RPP30: variants seen among roughly 807,000 people sequenced by gnomAD.
The protein encoded by RPP30 is ribonuclease P/MRP subunit p30.
In RPP30, 36 loss-of-function variants were observed where a neutral mutation model predicts 38.6. The ratio of observed to expected loss-of-function variants is 0.93; its 90% CI spans 0.71 to 1.23. The LOEUF is 1.23. RPP30 is among the 50% of genes most tolerant of loss of function. The pLI, the probability that RPP30 is intolerant of heterozygous loss-of-function variation, is 0.00. For missense variants in RPP30, 321 were observed against 321.7 expected (o/e 1.00, Z 0.02); for synonymous variants, 126 against 112.7 (o/e 1.12, Z -0.75).
intron 5 of RPP30, among the ~76,000 whole-genome samples, chr10:90,883,562 G>A (rs1311194186): frequency 6.6e-6 from 1 of 152,142 alleles, no homozygotes; most frequent in Admixed American, 6.5e-5. Flanking sequence ...AGTGTCAGAG[G>A]GAGCCATGTG....
intron 1 of RPP30, among the ~76,000 whole-genome samples, chr10:90,873,453 T>C (rs974529146): frequency 2.0e-5 from 3 of 152,170 alleles, no homozygotes; most frequent in African/African-American, 7.2e-5. Flanking sequence ...TTGCAAAGAA[T>C]AGGAAAGACA....
At position 90,901,987 on chromosome 10, in the gene RPP30, C is replaced by T. The variant is rs1020375306; in HGVS notation, c.*1308C>T. Reference sequence around the variant, plus strand: ...GCGCTCGCCATGTATTTAGCAGAGACGGGGTTTCACCGTGTTAGCCAGGAT... The same window carrying T: ...GCGCTCGCCATGTATTTAGCAGAGATGGGGTTTCACCGTGTTAGCCAGGAT... On this transcript the variant is annotated 3_prime_UTR_variant, in exon 11 of 11. Coordinates refer to ENST00000371703, the MANE Select transcript of RPP30 (RefSeq NM_006413.5). The T allele has an allele frequency of 4.0e-5, 16 of 396,276 alleles. No homozygotes were observed. Among genetic ancestry groups the T allele is most frequent in the African/African-American group, 1.1e-4 (5 of 45,562 alleles). The allele number at this position is 396,276 out of a possible 1,614,324, so 24.5% of individuals were successfully genotyped here.
At position 90,883,394 on chromosome 10, in the gene RPP30, T is replaced by G. The variant is rs548981719; in HGVS notation, c.343-2418T>G. Among the ~76,000 whole-genome samples, 6 of 152,288 alleles carry G rather than the reference T, an allele frequency of 3.9e-5. No individual in the cohort carries two copies. In the South Asian group the frequency reaches 1.2e-3, roughly 32 times the overall value. ...AAGATTCTTAACCCCAAGGCTCTAT[T>G]GGGCATAATTTAATCTTCTAAAATG... On this transcript the variant is annotated intron_variant, in intron 5 of 10. Transcript: ENST00000371703.
chr10:90,896,072 C>G (rs746758024), intron 9 of RPP30, among the ~76,000 whole-genome samples, 155 bp downstream of exon 9: 3 of 152,066 alleles, frequency 2.0e-5, no homozygotes, highest in Non-Finnish European at 4.4e-5. Flanking sequence ...TTATAGAGAG[C>G]TTTATGCTTC....
At chr10:90,879,240 G>A (rs934796612) in intron 5 of RPP30, 106 bp downstream of exon 5, 1 of 823,544 alleles carries the variant, frequency 1.2e-6, no homozygotes, top group Admixed American at 2.6e-5. Flanking sequence ...AAACTTTTAG[G>A]ATTTGTTATT....
At chr10:90,879,892 G>A (rs1480554324) in intron 5 of RPP30, 1 of 152,070 alleles carries the variant, frequency 6.6e-6, no homozygotes, top group Non-Finnish European at 1.5e-5. Context: ...CCTTTATCTA[G>A]GTTCACTAAA....
At chr10:90,888,530 A>G (rs1272667743) in intron 6 of RPP30, among the ~76,000 whole-genome samples, 2 of 152,174 alleles carry the variant, frequency 1.3e-5, no homozygotes, top group Non-Finnish European at 2.9e-5. Context: ...TGTTGAGTCA[A>G]TAAGTACATG....
At chr10:90,902,287 G>A (rs1413140682), downstream of RPP30, 3 of 412,524 alleles carry the variant, frequency 7.3e-6, no homozygotes, top group South Asian at 2.3e-5. Context: ...GCACAATCTC[G>A]GCTCACTGCA....
intron 5 of RPP30, among the ~76,000 whole-genome samples, chr10:90,883,471 AT>A (rs1468471195): frequency 2.0e-5 from 3 of 152,190 alleles, no homozygotes; most frequent in African/African-American, 7.2e-5. Context: ...TTTTGTGGTT[AT>A]CTAAAAGTAT....
chr10:90,892,787 T>C (rs1054898281), intron 6 of RPP30, among the ~76,000 whole-genome samples: 2 of 152,216 alleles, frequency 1.3e-5, no homozygotes, highest in East Asian at 1.9e-4. Context: ...TTTTTACTTA[T>C]CTGTGGTTTT....
intron 6 of RPP30, among the ~76,000 whole-genome samples, chr10:90,890,131 C>T (rs1409997495): frequency 2.6e-5 from 4 of 152,172 alleles, no homozygotes; most frequent in Non-Finnish European, 5.9e-5. Flanking sequence ...AAGGGGTTGA[C>T]AAGGGATTTG....
rs1847197814 is a variant in RPP30, at chr10:90,901,221, A to G, written c.*542A>G. On this transcript the variant is annotated 3_prime_UTR_variant, in exon 11 of 11. Coordinates refer to ENST00000371703, the MANE Select transcript of RPP30 (RefSeq NM_006413.5). ...AGGCTGGTCTCAAACTCCTAGGATC[A>G]AGCCATCCTCCCGCTTTGGCCTCCT... 5.5e-6 allele frequency: 4 copies of G among 723,726 alleles called. No individual in the cohort carries two copies. Among genetic ancestry groups the G allele is most frequent in the Non-Finnish European group, 6.7e-6 (4 of 592,622 alleles). 44.8% of individuals were successfully genotyped at this position (723,726 alleles called of 1,614,324 possible).
At position 90,885,903 on chromosome 10, in the gene RPP30, T is replaced by A; in HGVS notation, c.432+2T>A. ...TTCAAAAGACCTCCTATTAATGTGG[T>A]AAGTGTACTTTCCATTCTGTATTTG... is the stretch of plus-strand genomic sequence containing the variant. On this transcript the variant is annotated splice_donor_variant, in intron 6 of 10. Coordinates refer to ENST00000371703, the MANE Select transcript of RPP30 (RefSeq NM_006413.5). LOFTEE classifies it high-confidence loss of function. 2 of 1,538,364 alleles carry A rather than the reference T, an allele frequency of 1.3e-6. No individual in the cohort carries two copies. The highest frequency in any genetic ancestry group is 9.0e-7 in the Non-Finnish European group (1 of 1,117,116).
rs1406136552 is a variant in RPP30, at chr10:90,896,235, C to G, written c.618-78C>G. 21 of 1,268,884 alleles carry G rather than the reference C, an allele frequency of 1.7e-5. No homozygotes were observed. In the East Asian group the frequency reaches 4.7e-4, roughly 28 times the overall value. The allele number at this position is 1,268,884 out of a possible 1,614,324, so 78.6% of individuals were successfully genotyped here. On this transcript the variant is annotated intron_variant, in intron 9 of 10. Coordinates refer to ENST00000371703, the MANE Select transcript of RPP30 (RefSeq NM_006413.5). ...TAGCCTCTCAAGATGACCAGGTTAG[C>G]TGGCACTTTCTGTTATGTTTGTGTT...
intron 6 of RPP30, among the ~76,000 whole-genome samples, chr10:90,893,796 A>G (rs1371385664): frequency 6.6e-6 from 1 of 152,146 alleles, no homozygotes; most frequent in Non-Finnish European, 1.5e-5. Context: ...TTGTGTGGTT[A>G]TTGATCATCT....
chr10:90,901,040 AAT>A lies in RPP30; in HGVS notation c.*362_*363del, dbSNP rs755771693. The A allele has an allele frequency of 6.9e-5, 46 of 669,860 alleles. No individual in the cohort carries two copies. Among genetic ancestry groups the A allele is most frequent in the Non-Finnish European group, 8.3e-5 (45 of 540,174 alleles). 41.5% of individuals were successfully genotyped at this position (669,860 alleles called of 1,614,324 possible). ...TGCTCAGGCTGGAGTACAGTGGCAT[AAT>A]CACAGCTCACTGCAACCTCAATCCT... On this transcript the variant is annotated 3_prime_UTR_variant, in exon 11 of 11. Transcript: ENST00000371703.
chr10:90,899,122 T>C (rs1847174639), intron 10 of RPP30, among the ~76,000 whole-genome samples: 1 of 152,258 alleles, frequency 6.6e-6, no homozygotes, highest in South Asian at 2.1e-4. Flanking sequence ...GTGCTGATTT[T>C]CATAATGTTT....
In RPP30 at chr10:90,901,719, G is replaced by C. The variant is rs951515242; in HGVS notation, c.*1040G>C. On this transcript the variant is annotated 3_prime_UTR_variant, in exon 11 of 11. Coordinates refer to ENST00000371703, the MANE Select transcript of RPP30 (RefSeq NM_006413.5). Reference sequence around the variant, plus strand: ...ATACATGCATTTATGCAATATTAATGTAAGGGCTCTAAAACAATGGAGTAG... The same window carrying C: ...ATACATGCATTTATGCAATATTAATCTAAGGGCTCTAAAACAATGGAGTAG... 1 of 983,916 alleles carries C rather than the reference G, an allele frequency of 1.0e-6. No homozygotes were observed. The highest frequency in any genetic ancestry group is 1.7e-5 in the African/African-American group (1 of 57,176). 60.9% of individuals were successfully genotyped at this position (983,916 alleles called of 1,614,324 possible).
At chr10:90,906,885 T>C (rs572276467), downstream of RPP30, among the ~76,000 whole-genome samples, 2 of 152,092 alleles carry the variant, frequency 1.3e-5, no homozygotes, top group East Asian at 3.9e-4. Context: ...GGGCAAAGAG[T>C]TGAGTCAGTG....
Sources: gnomAD v4.1 joint callset for allele counts (sites outside exome capture counted in the v4.1 genomes callset) on GRCh38, gnomAD v4.1.1 for gene constraint, MANE v1.5 for transcripts, NCBI Gene and HGNC (gene_info 2026-07-23, HGNC 2026-07-21) for gene names.